Variants in CDH4 observed in about 807,000 individuals in gnomAD.
CDH4 encodes the protein cadherin-4.
CDH4 carries 33 observed loss-of-function variants against 86.0 expected under a neutral mutation model. The observed-to-expected ratio is 0.38, with a 90% CI of 0.29 to 0.51. The LOEUF (loss-of-function observed/expected upper bound fraction) is 0.51, where lower values mean the gene tolerates loss of function less well. Among genes scored for constraint, CDH4 ranks in the 20% least tolerant of loss-of-function variants. The pLI is 0.86. For synonymous variants in CDH4, 555 were observed against 549.4 expected (o/e 1.01, Z -0.14); for missense variants, 1,114 against 1,307.4 (o/e 0.85, Z 2.28).
intron 2 of CDH4, among the ~76,000 whole-genome samples, chr20:61,584,528 C>T (rs182941595): frequency 7.9e-5 from 12 of 152,250 alleles, no homozygotes; most frequent in Admixed American, 7.8e-4. Context: ...GTGGGAGAGC[C>T]CCTGTCACAT....
At chr20:61,794,264 G>A (rs577017789) in intron 4 of CDH4, among the ~76,000 whole-genome samples, 1 of 152,278 alleles carries the variant, frequency 6.6e-6, no homozygotes, top group South Asian at 2.1e-4. Flanking sequence ...GAGAGGTGGA[G>A]GAGACACAGG....
rs539714767 is a variant in CDH4, at chr20:61,589,362, T to A, written c.170-154201T>A. On this transcript the variant is annotated intron_variant, in intron 2 of 15. Transcript: ENST00000614565. ...ACAGACAGAAATTAATCAGGAGTGA[T>A]TTCTTCTTGGTCTGAATTTTAAATT... 2.6e-5 allele frequency among the ~76,000 whole-genome samples: 4 copies of A among 152,348 alleles called. No homozygotes were observed. The East Asian group carries it at 7.7e-4, about 29-fold the overall frequency.
intron 4 of CDH4, among the ~76,000 whole-genome samples, chr20:61,803,796 A>G (rs1979968636): frequency 6.6e-6 from 1 of 152,228 alleles, no homozygotes; most frequent in African/African-American, 2.4e-5. Flanking sequence ...GAAAAGCTCC[A>G]TTTCCAGTGG....
chr20:61,465,700 C>T (rs1318106348), intron 2 of CDH4, among the ~76,000 whole-genome samples: 1 of 152,054 alleles, frequency 6.6e-6, no homozygotes, highest in East Asian at 1.9e-4. Context: ...TGTTGTCAAT[C>T]CTTGCCAATA....
At chr20:61,620,642 A>C (rs746303416) in intron 2 of CDH4, among the ~76,000 whole-genome samples, 14 of 152,256 alleles carry the variant, frequency 9.2e-5, no homozygotes, top group Non-Finnish European at 1.5e-4. Flanking sequence ...AACATGCTCC[A>C]TAATTTATTA....
chr20:61,731,125 C>CCTCTCA (rs2088177690), intron 2 of CDH4, among the ~76,000 whole-genome samples: 1 of 152,074 alleles, frequency 6.6e-6, no homozygotes, highest in Non-Finnish European at 1.5e-5. Flanking sequence ...ACGGCAGGGT[C>CCTCTCA]CTCTCATCTG....
At chr20:61,521,998 A>G (rs1005182339) in intron 2 of CDH4, among the ~76,000 whole-genome samples, 29 of 152,210 alleles carry the variant, frequency 1.9e-4, no homozygotes, top group African/African-American at 6.5e-4. Flanking sequence ...ATTAATTCCC[A>G]TGCATTTGCC....
chr20:61,516,473 C>T lies in CDH4; in HGVS notation c.170-227090C>T, dbSNP rs934492091. On this transcript the variant is annotated intron_variant, in intron 2 of 15. Transcript: ENST00000614565. This position sits in a 1 kb window ranked among gnomAD's most constrained non-coding sequence, Gnocchi z 4.0. Reference sequence around the variant, plus strand: ...CCATTTTACAGACCGGGAGGCAGAGCCCCAGAGGTCAAGCCAGATGTCCAT... The same window carrying T: ...CCATTTTACAGACCGGGAGGCAGAGTCCCAGAGGTCAAGCCAGATGTCCAT... Among the ~76,000 whole-genome samples the T allele has an allele frequency of 2.6e-5, 4 of 152,156 alleles. No homozygotes were observed. Among genetic ancestry groups the T allele is most frequent in the African/African-American group, 7.2e-5 (3 of 41,450 alleles).
chr20:61,815,399 A>G (rs1403753296), intron 4 of CDH4, among the ~76,000 whole-genome samples: 1 of 152,194 alleles, frequency 6.6e-6, no homozygotes, highest in African/African-American at 2.4e-5. Context: ...AGTAACATCT[A>G]TGCTGGTGAG....
intron 2 of CDH4, among the ~76,000 whole-genome samples, chr20:61,485,209 A>G (rs562791721): frequency 2.8e-3 from 424 of 152,280 alleles, no homozygotes; most frequent in Non-Finnish European, 4.2e-3. Flanking sequence ...GATCTCCCCA[A>G]TAGAGAATTG....
intron 2 of CDH4, among the ~76,000 whole-genome samples, chr20:61,626,184 G>C (rs1374113551): frequency 6.6e-6 from 1 of 152,144 alleles, no homozygotes; most frequent in Non-Finnish European, 1.5e-5. Flanking sequence ...TGGGAGAGTT[G>C]TTAACCAGAA....
At chr20:61,472,597 A>G (rs2085511071) in intron 2 of CDH4, among the ~76,000 whole-genome samples, 1 of 152,170 alleles carries the variant, frequency 6.6e-6, no homozygotes, top group Non-Finnish European at 1.5e-5. Context: ...CTTATAACCC[A>G]CTATTTTAAA....
intron 2 of CDH4, among the ~76,000 whole-genome samples, chr20:61,559,423 A>G (rs1252978325): frequency 6.6e-6 from 1 of 151,944 alleles, no homozygotes; most frequent in Non-Finnish European, 1.5e-5. Flanking sequence ...CACCTGCAAG[A>G]GACGGCGCGC....
chr20:61,873,453 G>A (rs1427882106), intron 6 of CDH4, among the ~76,000 whole-genome samples: 1 of 152,242 alleles, frequency 6.6e-6, no homozygotes, highest in Non-Finnish European at 1.5e-5. Context: ...TTCCTCCTCC[G>A]AGGCCTGGTC....
In CDH4 at chr20:61,810,896, G is replaced by A. The variant is rs894519963; in HGVS notation, c.577-33772G>A. ...CGCAGCCAGCACAGAGGGTATGGCC[G>A]CTCCAGGAAGCTTCGAGACGGGGGC... On this transcript the variant is annotated intron_variant, in intron 4 of 15. Coordinates refer to ENST00000614565, the MANE Select transcript of CDH4 (RefSeq NM_001794.5). This position sits in a 1 kb window ranked among gnomAD's most constrained non-coding sequence, Gnocchi z 4.3. 2.0e-5 allele frequency among the ~76,000 whole-genome samples: 3 copies of A among 152,302 alleles called. No individual in the cohort carries two copies. Among genetic ancestry groups the A allele is most frequent in the East Asian group, 1.9e-4 (1 of 5,154 alleles).
At chr20:61,931,651 T>A (rs766044746) in intron 13 of CDH4, among the ~76,000 whole-genome samples, 44 of 152,072 alleles carry the variant, frequency 2.9e-4, no homozygotes, top group Non-Finnish European at 5.9e-5. Context: ...GTGCAGGCAT[T>A]TACTGGGGGC....
intron 2 of CDH4, among the ~76,000 whole-genome samples, chr20:61,359,031 C>T (rs905648539): frequency 6.6e-6 from 1 of 152,042 alleles, no homozygotes; most frequent in South Asian, 2.1e-4. Context: ...GTTGGGAAGC[C>T]GGAATGTGGA....
In CDH4 at chr20:61,681,525, G is replaced by A. The variant is rs977741764; in HGVS notation, c.170-62038G>A. 6.6e-6 allele frequency among the ~76,000 whole-genome samples: 1 copy of A among 152,200 alleles called. No individual in the cohort carries two copies. Among genetic ancestry groups the A allele is most frequent in the African/African-American group, 2.4e-5 (1 of 41,438 alleles). On this transcript the variant is annotated intron_variant, in intron 2 of 15. Transcript: ENST00000614565. The surrounding 1 kb of genome is among the most constrained non-coding windows in gnomAD (Gnocchi z 4.5). ...AATCCTTGGAACTTGATAACTGTGT[G>A]CATTTTAAGGAATCTGTTAGCTCCC...
chr20:61,599,425 G>A (rs2086581024), intron 2 of CDH4, among the ~76,000 whole-genome samples: 1 of 152,194 alleles, frequency 6.6e-6, no homozygotes, highest in African/African-American at 2.4e-5. Context: ...CACCCACAAT[G>A]TGAATTCATC....
Sources: gnomAD v4.1 joint callset for allele counts (sites outside exome capture counted in the v4.1 genomes callset) on GRCh38, gnomAD v4.1.1 for gene constraint, Gnocchi (gnomAD v3.1) non-coding constraint, MANE v1.5 for transcripts, NCBI Gene and HGNC (gene_info 2026-07-23, HGNC 2026-07-21) for gene names.